Variants in TCF4 observed in about 807,000 individuals in gnomAD.
TCF4 encodes the protein SL3-3 enhancer factor 2.
A neutral mutation model predicts 82.1 loss-of-function variants in TCF4; 3 were observed. The observed-to-expected ratio is 0.04, with a 90% confidence interval of 0.02 to 0.09. The LOEUF is 0.09. Ranked by LOEUF, TCF4 falls within the 10% of genes least tolerant of loss-of-function variation. The pLI is 1.00. For synonymous variants in TCF4, 276 were observed against 309.6 expected, an observed-to-expected ratio of 0.89 and a Z score of 1.14; for missense variants, 518 against 852.7, an observed-to-expected ratio of 0.61 and a Z score of 4.89.
At chr18:55,402,780 G>A (rs1036270126) in intron 6 of TCF4, among the ~76,000 whole-genome samples, 2 of 152,148 alleles carry the variant, frequency 1.3e-5, no homozygotes, top group African/African-American at 4.8e-5. Flanking sequence ...AGAGTTTAAA[G>A]TATACAAATG....
chr18:55,264,805 A>G (rs1318521851), intron 11 of TCF4: 4 of 152,164 alleles, frequency 2.6e-5, no homozygotes, highest in Non-Finnish European at 5.9e-5. Context: ...TTTTGGCTCT[A>G]ATCAATTTAT....
At chr18:55,468,889 C>G (rs960345338) in intron 3 of TCF4, among the ~76,000 whole-genome samples, 26 of 126,792 alleles carry the variant, frequency 2.1e-4, no homozygotes, top group East Asian at 1.4e-3. Flanking sequence ...TCGCCCCCCC[C>G]CCCCTTGTTC....
chr18:55,620,897 C>A (rs2097717242), intron 2 of TCF4, among the ~76,000 whole-genome samples: 1 of 150,822 alleles, frequency 6.6e-6, no homozygotes, highest in Non-Finnish European at 1.5e-5. Context: ...TTGCAACAAA[C>A]ATTTATGTAC....
At chr18:55,358,105 C>G (rs558588531) in intron 6 of TCF4, among the ~76,000 whole-genome samples, 1 of 152,332 alleles carries the variant, frequency 6.6e-6, no homozygotes, top group Admixed American at 6.5e-5. Context: ...GCGTAAAGGT[C>G]AAACTAGAGG....
intron 8 of TCF4, chr18:55,322,240 CCT>C (rs372892841): frequency 1.2e-4 from 131 of 1,054,466 alleles, no homozygotes; most frequent in East Asian, 6.7e-4. Context: ...ATTGACTCCC[CCT>C]CTCTCTCTCT....
At chr18:55,597,034 G>T (rs1004043793) in intron 2 of TCF4, among the ~76,000 whole-genome samples, 1 of 152,108 alleles carries the variant, frequency 6.6e-6, no homozygotes, top group African/African-American at 2.4e-5. Context: ...TTAAACGTAT[G>T]TAACCCTTCC....
At chr18:55,460,366 A>T (rs1346265930) in intron 5 of TCF4, among the ~76,000 whole-genome samples, 1 of 152,130 alleles carries the variant, frequency 6.6e-6, no homozygotes, top group Non-Finnish European at 1.5e-5. Context: ...ACATCCCTAC[A>T]GGGTAGCCAA....
At chr18:55,519,429 G>A (rs1454525664) in intron 3 of TCF4, among the ~76,000 whole-genome samples, 23 of 137,060 alleles carry the variant, frequency 1.7e-4, no homozygotes, top group East Asian at 2.8e-4. Flanking sequence ...GTGAGACCCC[G>A]TCTCAAAAAA....
In TCF4 at chr18:55,511,913, TGCAAAGCACTAGATTTGGA is replaced by T. The variant is rs1488116983; in HGVS notation, c.146-47795_146-47777del. Among the ~76,000 whole-genome samples, 4 of 151,892 alleles carry T rather than the reference TGCAAAGCACTAGATTTGGA, an allele frequency of 2.6e-5. No individual in the cohort carries two copies. In the East Asian group the frequency reaches 7.7e-4, roughly 29 times the overall value. On this transcript the variant is annotated intron_variant, in intron 3 of 19. Transcript: ENST00000354452. ...AATACTAAAAATAATTAATCATTGCTGCAAAGCACTAGATTTGGAGCTAAACTAAATGGCATGTACCATT... is the reference window on the plus strand; with the variant it reads ...AATACTAAAAATAATTAATCATTGCTGCTAAACTAAATGGCATGTACCATT...
chr18:55,448,413 T>A (rs1022409117), intron 5 of TCF4, among the ~76,000 whole-genome samples: 6 of 152,254 alleles, frequency 3.9e-5, no homozygotes, highest in African/African-American at 1.4e-4. Context: ...CACATCCTGC[T>A]CTTTAACTAG....
rs2082227554 is a variant in TCF4, at chr18:55,351,117, G to A, written c.370-114C>T. On this transcript the variant is annotated intron_variant, in intron 6 of 19. Transcript: ENST00000354452. ...CAATAAAGCAAACAGCATCTGCTAA[G>A]CTGAGACAATTAAAACAAAACAAAA... 6 of 1,329,394 alleles carry A rather than the reference G, an allele frequency of 4.5e-6. No homozygotes were observed. The African/African-American group carries it at 5.9e-5, about 13-fold the overall frequency. The allele number at this position is 1,329,394 out of a possible 1,614,324, so 82.3% of individuals were successfully genotyped here.
At chr18:55,346,566 C>G (rs1742151733) in intron 8 of TCF4, among the ~76,000 whole-genome samples, 2 of 152,116 alleles carry the variant, frequency 1.3e-5, no homozygotes, top group African/African-American at 4.8e-5. Flanking sequence ...GATAAAATAT[C>G]CTATTTCCAG....
At chr18:55,236,375 C>T (rs1029497181) in intron 15 of TCF4, among the ~76,000 whole-genome samples, 2 of 152,106 alleles carry the variant, frequency 1.3e-5, no homozygotes, top group Non-Finnish European at 2.9e-5. Context: ...TCCATTTTTA[C>T]CACAAATTGG....
chr18:55,254,126 GACC>G (rs2056100764), intron 15 of TCF4, among the ~76,000 whole-genome samples: 3 of 152,164 alleles, frequency 2.0e-5, no homozygotes, highest in Non-Finnish European at 4.4e-5. Context: ...AGTCAAAAAA[GACC>G]ACCACATGTT....
At chr18:55,360,022 G>T (rs2084686929) in intron 6 of TCF4, among the ~76,000 whole-genome samples, 2 of 152,186 alleles carry the variant, frequency 1.3e-5, no homozygotes, top group Admixed American at 1.3e-4. Context: ...GGAACAGGTG[G>T]GATAATGCAA....
intron 8 of TCF4, among the ~76,000 whole-genome samples, chr18:55,330,469 C>A (rs887783198): frequency 6.6e-6 from 1 of 151,716 alleles, no homozygotes; most frequent in African/African-American, 2.4e-5. Context: ...TTAGCCACCA[C>A]GCCTGGCATG....
At chr18:55,471,993 C>T (rs918581244) in intron 3 of TCF4, among the ~76,000 whole-genome samples, 10 of 152,096 alleles carry the variant, frequency 6.6e-5, no homozygotes, top group African/African-American at 2.2e-4. Flanking sequence ...AAAAAGTGTT[C>T]GCAGACAATT....
intron 3 of TCF4, among the ~76,000 whole-genome samples, chr18:55,565,177 T>C (rs2097393101): frequency 6.6e-6 from 1 of 152,100 alleles, no homozygotes; most frequent in African/African-American, 2.4e-5. Context: ...GCACAACTAG[T>C]TTCATTGGAA....
intron 8 of TCF4, among the ~76,000 whole-genome samples, chr18:55,334,091 T>C (rs948630349): frequency 2.0e-5 from 3 of 152,166 alleles, no homozygotes; most frequent in Admixed American, 2.0e-4. Context: ...CCTAATTTCA[T>C]TTTCTATGCA....
Sources: gnomAD v4.1 joint callset for allele counts (sites outside exome capture counted in the v4.1 genomes callset) on GRCh38, gnomAD v4.1.1 for gene constraint, MANE v1.5 for transcripts, NCBI Gene and HGNC (gene_info 2026-07-23, HGNC 2026-07-21) for gene names.